FBXW7: variants seen among roughly 807,000 people sequenced by gnomAD.
FBXW7 encodes F-box/WD repeat-containing protein 7.
A neutral mutation model predicts 86.3 loss-of-function variants in FBXW7; 11 were observed. The ratio of observed to expected loss-of-function variants is 0.13; its 90% CI spans 0.08 to 0.21. FBXW7 has a LOEUF of 0.21. Ranked by LOEUF, FBXW7 falls within the 10% of genes least tolerant of loss-of-function variation. The probability of loss-of-function intolerance (pLI) is 1.00; values close to 1 mark genes in which losing one functional copy is unlikely to be tolerated. For missense variants in FBXW7, 488 were observed against 847.4 expected, an observed-to-expected ratio of 0.58 and a Z score of 5.27; for synonymous variants, 313 against 297.9, an observed-to-expected ratio of 1.05 and a Z score of -0.52.
intron 4 of FBXW7, among the ~76,000 whole-genome samples, chr4:152,377,754 CAAA>C (rs546746093): frequency 1.5e-5 from 1 of 68,572 alleles, no homozygotes; most frequent in Non-Finnish European, 3.0e-5. Flanking sequence ...GAGTCTGTCT[CAAA>C]AAAAAAAAAA....
intron 11 of FBXW7, 139 bp from the exon 12 acceptor site, chr4:152,326,370 T>C (rs1484592573): frequency 3.0e-6 from 2 of 660,498 alleles, no homozygotes; most frequent in Non-Finnish European, 5.1e-6. Flanking sequence ...AACAACCATT[T>C]TCAAAAGAAA....
chr4:152,331,167 T>TA (rs950127749), intron 8 of FBXW7, among the ~76,000 whole-genome samples: 1 of 151,956 alleles, frequency 6.6e-6, no homozygotes, highest in African/African-American at 2.4e-5. Context: ...CTGTGGAAAA[T>TA]AGTCTGGTGG....
intron 7 of FBXW7, among the ~76,000 whole-genome samples, chr4:152,337,371 T>A (rs1730242395): frequency 6.6e-6 from 1 of 151,870 alleles, no homozygotes; most frequent in Admixed American, 6.6e-5. Flanking sequence ...CATAAACCTA[T>A]TGGTCTTGAA....
intron 4 of FBXW7, among the ~76,000 whole-genome samples, chr4:152,376,219 A>C (rs1309859335): frequency 6.6e-6 from 1 of 152,086 alleles, no homozygotes; most frequent in Non-Finnish European, 1.5e-5. Context: ...AGGGAAATAA[A>C]AATTCATTAT....
In FBXW7 at chr4:152,463,979, AC is replaced by A. The variant is rs368956396; in HGVS notation, c.-119-51451del. 3.1e-4 allele frequency among the ~76,000 whole-genome samples: 47 copies of A among 152,348 alleles called. 1 individual carries two copies. Among genetic ancestry groups the A allele is most frequent in the African/African-American group, 1.1e-3 (46 of 41,592 alleles). On this transcript the variant is annotated intron_variant, in intron 2 of 13. Coordinates refer to ENST00000281708, the MANE Select transcript of FBXW7 (RefSeq NM_001349798.2). ...GAAGTGAATGTTAAGCAGCAAAAAA[AC>A]AAATGCTAAAAAAGACAGGAATGGA... is the stretch of plus-strand genomic sequence containing the variant.
chr4:152,345,762 C>CTCT (rs1003433222), intron 6 of FBXW7, among the ~76,000 whole-genome samples: 19 of 151,774 alleles, frequency 1.3e-4, no homozygotes, highest in Admixed American at 9.8e-4. Flanking sequence ...AGTTTTCTAC[C>CTCT]TACAGAAGAA....
At chr4:152,383,678 T>C (rs910155425) in intron 4 of FBXW7, among the ~76,000 whole-genome samples, 1 of 152,112 alleles carries the variant, frequency 6.6e-6, no homozygotes, top group Non-Finnish European at 1.5e-5. Context: ...CAAGAAAGGA[T>C]TTGAAAGGAG....
intron 4 of FBXW7, among the ~76,000 whole-genome samples, chr4:152,377,032 C>T (rs1017357042): frequency 1.3e-5 from 2 of 152,090 alleles, no homozygotes; most frequent in African/African-American, 4.8e-5. Flanking sequence ...CTGTTTGAAA[C>T]TTTGTATTGT....
At chr4:152,333,841 G>A (rs1729808801) in intron 7 of FBXW7, among the ~76,000 whole-genome samples, 1 of 152,004 alleles carries the variant, frequency 6.6e-6, no homozygotes, top group Non-Finnish European at 1.5e-5. Context: ...ATCACTTGAG[G>A]CCAGGAGTTC....
At chr4:152,423,904 G>A (rs1415630948) in intron 2 of FBXW7, among the ~76,000 whole-genome samples, 1 of 152,132 alleles carries the variant, frequency 6.6e-6, no homozygotes, top group Admixed American at 6.5e-5. Context: ...TTTTTTATTT[G>A]AGTGTTGTTA....
intron 2 of FBXW7, among the ~76,000 whole-genome samples, chr4:152,441,396 A>C (rs943070789): frequency 6.6e-6 from 1 of 152,074 alleles, no homozygotes; most frequent in Non-Finnish European, 1.5e-5. Flanking sequence ...CAATTTCTTT[A>C]ATCTTAATCT....
chr4:152,343,091 C>T (rs1250665260), intron 6 of FBXW7, among the ~76,000 whole-genome samples: 1 of 152,092 alleles, frequency 6.6e-6, no homozygotes, highest in Non-Finnish European at 1.5e-5. Context: ...ATTAAATCTT[C>T]CAATGGAGAA....
intron 2 of FBXW7, among the ~76,000 whole-genome samples, chr4:152,446,099 C>T (rs1037466191): frequency 2.0e-5 from 3 of 152,100 alleles, no homozygotes; most frequent in East Asian, 3.9e-4. Context: ...CTTCTTAAAA[C>T]GTGTTTACTA....
In FBXW7 at chr4:152,322,759, A is replaced by C; in HGVS notation, c.*122T>G. ...TCTTTTCAATCTGTTGCCCCAAGCC[A>C]ACATCCTGCACCACTGAGAACAAGG... is the stretch of plus-strand genomic sequence containing the variant. On this transcript the variant is annotated 3_prime_UTR_variant, in exon 14 of 14. Coordinates refer to ENST00000281708, the MANE Select transcript of FBXW7 (RefSeq NM_001349798.2). The C allele has an allele frequency of 6.8e-7, 1 of 1,475,248 alleles. No individual in the cohort carries two copies. Among genetic ancestry groups the C allele is most frequent in the South Asian group, 1.4e-5 (1 of 69,110 alleles). 91.4% of individuals were successfully genotyped at this position (1,475,248 alleles called of 1,614,324 possible). A position where few individuals can be genotyped will look rare whatever the true frequency, so the allele number is the denominator to read the frequency against.
chr4:152,405,780 T>C (rs1737372163), intron 4 of FBXW7, among the ~76,000 whole-genome samples: 1 of 152,156 alleles, frequency 6.6e-6, no homozygotes, highest in Non-Finnish European at 1.5e-5. Flanking sequence ...CAGACTCAGA[T>C]GATAAGAAAA....
rs535095892 is a variant in FBXW7, at chr4:152,391,563, T to C, written c.501+19740A>G. ...GAGACTATCAGAGATCAGTAAGAGA[T>C]ATAAAGGAAGTCTGCAGCTATAGGG... On this transcript the variant is annotated intron_variant, in intron 4 of 13. Coordinates refer to ENST00000281708, the MANE Select transcript of FBXW7 (RefSeq NM_001349798.2). 9.9e-4 allele frequency among the ~76,000 whole-genome samples: 151 copies of C among 152,180 alleles called. 1 individual carries two copies. The highest frequency in any genetic ancestry group is 3.5e-3 in the African/African-American group (147 of 41,526).
intron 2 of FBXW7, among the ~76,000 whole-genome samples, chr4:152,494,651 T>C (rs1334200754): frequency 6.6e-6 from 1 of 152,042 alleles, no homozygotes; most frequent in African/African-American, 2.4e-5. Flanking sequence ...AAGACCAGGA[T>C]ATTGGAGAGT....
intron 2 of FBXW7, among the ~76,000 whole-genome samples, chr4:152,415,811 A>G (rs1213994450): frequency 6.6e-6 from 1 of 152,102 alleles, no homozygotes; most frequent in African/African-American, 2.4e-5. Flanking sequence ...CTGCAACCTC[A>G]GAGTCTTTGT....
At chr4:152,325,440 T>A (rs2126487849) in intron 12 of FBXW7, 1 of 152,336 alleles carries the variant, frequency 6.6e-6, no homozygotes, top group Non-Finnish European at 1.5e-5. Flanking sequence ...TAGTTAATGA[T>A]CTCAAAATAT....
Sources: allele counts gnomAD v4.1 joint callset (sites outside exome capture counted in the v4.1 genomes callset), GRCh38; gene constraint gnomAD v4.1.1; transcripts MANE v1.5; gene names NCBI Gene and HGNC (gene_info 2026-07-23, HGNC 2026-07-21).